Variants in KIAA1328 observed in about 807,000 individuals in gnomAD.
The protein encoded by KIAA1328 is KIAA1328, also known as protein hinderin.
Under a neutral mutation model 68.1 loss-of-function variants are expected in KIAA1328, and 52 were observed. The observed-to-expected ratio is 0.76, with a 90% CI of 0.61 to 0.96. The LOEUF (loss-of-function observed/expected upper bound fraction) is 0.96. KIAA1328 is among the 40% of genes least tolerant of loss of function. The pLI is 0.00. For synonymous variants in KIAA1328, 232 were observed against 239.4 expected (o/e 0.97, Z 0.28); for missense variants, 641 against 677.6 (o/e 0.95, Z 0.60).
chr18:37,210,464 T>C (rs1193576231), intron 9 of KIAA1328, among the ~76,000 whole-genome samples: 2 of 152,176 alleles, frequency 1.3e-5, no homozygotes, highest in Admixed American at 1.3e-4. Context: ...GCGTACTGGC[T>C]CTGTGAAGTA....
chr18:37,109,211 C>A (rs556560077), intron 7 of KIAA1328, among the ~76,000 whole-genome samples: 1 of 152,114 alleles, frequency 6.6e-6, no homozygotes, highest in Non-Finnish European at 1.5e-5. Flanking sequence ...CAAGTCTTTG[C>A]TATTGTGAAT....
At chr18:37,230,476 G>A (rs993578749), downstream of KIAA1328, 1 of 152,192 alleles carries the variant, frequency 6.6e-6, no homozygotes, top group Non-Finnish European at 1.5e-5. Flanking sequence ...TGCTGGAATG[G>A]CCTGTTTACT....
intron 7 of KIAA1328, among the ~76,000 whole-genome samples, chr18:37,136,856 A>G (rs1235859496): frequency 6.6e-6 from 1 of 152,252 alleles, no homozygotes; most frequent in African/African-American, 2.4e-5. Context: ...GTTGAAGGTC[A>G]TACAGAAATT....
chr18:37,106,956 A>G (rs946932870), intron 7 of KIAA1328, among the ~76,000 whole-genome samples: 5 of 152,184 alleles, frequency 3.3e-5, no homozygotes, highest in Non-Finnish European at 7.3e-5. Flanking sequence ...TAAAAACTGA[A>G]TTCTTGGCCA....
Position 36,845,796 on chromosome 18 carries a change from T to G in KIAA1328, c.332+1494T>G, listed in dbSNP as rs569623023. The stretch of plus-strand genomic sequence containing the variant: ...CCATGCATGTATGTTCAATTGAGTG[T>G]GACAAGGAGGCTAAGGTAATTCTGT... On this transcript the variant is annotated intron_variant, in intron 4 of 9. Coordinates refer to ENST00000280020, the MANE Select transcript of KIAA1328 (RefSeq NM_020776.3). Among the ~76,000 whole-genome samples, 32 of 151,804 alleles carry G rather than the reference T, an allele frequency of 2.1e-4. No homozygotes were observed. The South Asian group carries it at 6.6e-3, about 31-fold the overall frequency.
intron 7 of KIAA1328, among the ~76,000 whole-genome samples, chr18:37,143,797 C>T (rs1273032179): frequency 6.6e-6 from 1 of 151,796 alleles, no homozygotes; most frequent in African/African-American, 2.4e-5. Flanking sequence ...TGGTTTTGCT[C>T]CTTTTTTCTT....
chr18:37,159,748 G>A (rs184708789), intron 7 of KIAA1328, among the ~76,000 whole-genome samples: 9 of 152,132 alleles, frequency 5.9e-5, no homozygotes, highest in Non-Finnish European at 1.2e-4. Flanking sequence ...CGTACTCTGG[G>A]TACATAATAA....
intron 7 of KIAA1328, among the ~76,000 whole-genome samples, chr18:37,111,984 G>A (rs776126155): frequency 2.0e-5 from 3 of 152,182 alleles, no homozygotes; most frequent in East Asian, 1.9e-4. Flanking sequence ...AGGGACGTCC[G>A]CCATTGCTAA....
At chr18:37,101,998 C>G (rs2057632999) in intron 7 of KIAA1328, among the ~76,000 whole-genome samples, 1 of 152,180 alleles carries the variant, frequency 6.6e-6, no homozygotes, top group East Asian at 1.9e-4. Flanking sequence ...TTCTCCCTAA[C>G]TCATTCTATG....
chr18:37,067,560 T>A lies in KIAA1328; in HGVS notation c.1232+15T>A. The A allele has an allele frequency of 6.9e-7, 1 of 1,440,582 alleles. No individual in the cohort carries two copies. Among genetic ancestry groups the A allele is most frequent in the Non-Finnish European group, 9.0e-7 (1 of 1,108,484 alleles). The allele number at this position is 1,440,582 out of a possible 1,614,324, so 89.2% of individuals were successfully genotyped here. A position where few individuals can be genotyped will look rare whatever the true frequency, so the allele number is the denominator to read the frequency against. On this transcript the variant is annotated intron_variant, in intron 7 of 9. Transcript: ENST00000280020. ...GATTACAATTGGTGAGTACTGCCTG[T>A]TCTTTTTTTTTTTTTTTTGAGACGA...
chr18:36,970,665 CAG>C (rs1197837279), intron 6 of KIAA1328, among the ~76,000 whole-genome samples: 1 of 148,018 alleles, frequency 6.8e-6, no homozygotes, highest in Non-Finnish European at 1.5e-5. Context: ...CAATAATAGA[CAG>C]AGAGCCAAAT....
chr18:36,989,089 G>A (rs1313231236), intron 6 of KIAA1328, among the ~76,000 whole-genome samples: 2 of 152,032 alleles, frequency 1.3e-5, no homozygotes, highest in African/African-American at 4.8e-5. Flanking sequence ...TGCCTATTTG[G>A]TAATGCCTTT....
intron 7 of KIAA1328, among the ~76,000 whole-genome samples, chr18:37,076,790 G>A (rs2056754142): frequency 1.3e-5 from 2 of 152,040 alleles, no homozygotes; most frequent in Admixed American, 6.6e-5. Flanking sequence ...CCAGGAAGAA[G>A]TTGAATCTCT....
chr18:36,954,112 C>A (rs2051298366), intron 5 of KIAA1328, among the ~76,000 whole-genome samples: 1 of 148,940 alleles, frequency 6.7e-6, no homozygotes, highest in African/African-American at 2.4e-5. Flanking sequence ...ACGCCATTCT[C>A]CTGCCTCAGT....
intron 8 of KIAA1328, among the ~76,000 whole-genome samples, chr18:37,161,845 T>C (rs1336065958): frequency 6.6e-6 from 1 of 152,228 alleles, no homozygotes; most frequent in Non-Finnish European, 1.5e-5. Flanking sequence ...ACTTGTGTTA[T>C]TGGTTAAAAC....
chr18:36,952,904 T>G (rs1375660849), intron 5 of KIAA1328, among the ~76,000 whole-genome samples: 1 of 151,790 alleles, frequency 6.6e-6, no homozygotes, highest in Non-Finnish European at 1.5e-5. Flanking sequence ...TTTCTGCTTC[T>G]CACATGATAA....
At chr18:37,158,390 C>T (rs2059203460) in intron 7 of KIAA1328, among the ~76,000 whole-genome samples, 1 of 152,074 alleles carries the variant, frequency 6.6e-6, no homozygotes, top group Non-Finnish European at 1.5e-5. Context: ...TTAAAGTGCT[C>T]TTGTCCCCAC....
chr18:37,193,541 C>A (rs779530673), intron 9 of KIAA1328: 3 of 689,592 alleles, frequency 4.4e-6, no homozygotes, highest in Non-Finnish European at 7.9e-6. Flanking sequence ...TATTAACAAC[C>A]TATTTAATCC....
At chr18:36,993,266 G>A (rs2053262457) in intron 6 of KIAA1328, among the ~76,000 whole-genome samples, 1 of 152,206 alleles carries the variant, frequency 6.6e-6, no homozygotes. Context: ...ATTCTTTCAA[G>A]TATCTGTTTT....
Sources: allele counts gnomAD v4.1 joint callset (sites outside exome capture counted in the v4.1 genomes callset), GRCh38; gene constraint gnomAD v4.1.1; transcripts MANE v1.5; gene names NCBI Gene and HGNC (gene_info 2026-07-23, HGNC 2026-07-21).